CA8: variants seen among roughly 807,000 people sequenced by gnomAD.
CA8 encodes the protein carbonic anhydrase 8 (inactive), also known as carbonic anhydrase-related protein.
Under a neutral mutation model 41.4 loss-of-function variants are expected in CA8, and 22 were observed. The ratio of observed to expected loss-of-function variants is 0.53; its 90% CI spans 0.38 to 0.76. CA8 has a LOEUF of 0.76. Ranked by LOEUF, CA8 falls within the 30% of genes least tolerant of loss-of-function variation. The pLI is 0.00. For synonymous variants in CA8, 121 were observed against 130.6 expected (o/e 0.93, Z 0.50); for missense variants, 270 against 352.8 (o/e 0.77, Z 1.88).
At chr8:60,210,407 GA>G (rs1028950112) in intron 7 of CA8, among the ~76,000 whole-genome samples, 2 of 152,136 alleles carry the variant, frequency 1.3e-5, no homozygotes, top group East Asian at 3.9e-4. Context: ...ACAAAGTCAA[GA>G]GACACCTATA....
At position 60,186,082 on chromosome 8, in the gene CA8, A is replaced by G. The variant is rs1350199519; in HGVS notation, c.*3939T>C. On this transcript the variant is annotated 3_prime_UTR_variant, in exon 9 of 9. Coordinates refer to ENST00000317995, the MANE Select transcript of CA8 (RefSeq NM_004056.6). ...CCAGATGGTGACTCAAATTTACAAGACAAAATGAACATAACCAGAAATGGT... is the reference window on the plus strand; with the variant it reads ...CCAGATGGTGACTCAAATTTACAAGGCAAAATGAACATAACCAGAAATGGT... 6.6e-6 allele frequency among the ~76,000 whole-genome samples: 1 copy of G among 152,114 alleles called. No homozygotes were observed. Among genetic ancestry groups the G allele is most frequent in the Middle Eastern group, 3.2e-3 (1 of 316 alleles).
At chr8:60,199,834 T>C (rs1261779758) in intron 8 of CA8, among the ~76,000 whole-genome samples, 1 of 152,236 alleles carries the variant, frequency 6.6e-6, no homozygotes, top group Admixed American at 6.5e-5. Context: ...GGCCAATCTA[T>C]ATGTACCAAC....
At chr8:60,205,939 T>C (rs2130411931) in intron 8 of CA8, among the ~76,000 whole-genome samples, 1 of 152,356 alleles carries the variant, frequency 6.6e-6, no homozygotes, top group Non-Finnish European at 1.5e-5. Flanking sequence ...AGTCTGACTG[T>C]CAAATCATTT....
chr8:60,222,699 C>G lies in CA8; in HGVS notation c.688G>C (p.Gly230Arg). ...GSLTIPPCSE[G>R]VTWILFRYPL... Reference sequence around the variant, plus strand: ...TATCGGAATAATATCCAGGTGACACCTTCACTGCAAGGTGGGATGGTGAGA... The same window carrying G: ...TATCGGAATAATATCCAGGTGACACGTTCACTGCAAGGTGGGATGGTGAGA... The change falls in exon 7 of 9, where the codon GGT becomes CGT. Residue 230 changes from glycine to arginine, a missense_variant. This residue lies in a region of CA8 where 141 missense variants were observed against 191.6 expected (regional missense o/e 0.74). Transcript: ENST00000317995. 6.2e-7 allele frequency: 1 copy of G among 1,613,954 alleles called. No individual in the cohort carries two copies. The highest frequency in any genetic ancestry group is 2.2e-5 in the East Asian group (1 of 44,872).
chr8:60,221,290 A>T (rs1353316723), intron 7 of CA8, among the ~76,000 whole-genome samples: 1 of 152,122 alleles, frequency 6.6e-6, no homozygotes, highest in Non-Finnish European at 1.5e-5. Flanking sequence ...ACTTATTATC[A>T]TGTTAATTAT....
Position 60,273,040 on chromosome 8 carries a change from C to T in CA8, c.292+6649G>A, listed in dbSNP as rs541987924. The stretch of plus-strand genomic sequence containing the variant: ...CAGAGGATCAGTAGCTATTTACAAT[C>T]TCTTGCTCTCCTGGTTGCTCTCATG... On this transcript the variant is annotated intron_variant, in intron 2 of 8. Transcript: ENST00000317995. Among the ~76,000 whole-genome samples the T allele has an allele frequency of 3.9e-5, 6 of 152,322 alleles. No individual in the cohort carries two copies. In the East Asian group the frequency reaches 1.2e-3, roughly 29 times the overall value.
chr8:60,253,721 T>A (rs911280247), intron 3 of CA8, among the ~76,000 whole-genome samples: 1 of 152,146 alleles, frequency 6.6e-6, no homozygotes, highest in Non-Finnish European at 1.5e-5. Flanking sequence ...GAGACCAGCA[T>A]TTCTGCCCTG....
intron 4 of CA8, among the ~76,000 whole-genome samples, chr8:60,227,344 T>A (rs1409739617): frequency 1.3e-5 from 2 of 152,116 alleles, no homozygotes; most frequent in Non-Finnish European, 2.9e-5. Flanking sequence ...ATGTCCTTTT[T>A]GAGGAATAAT....
At chr8:60,191,737 A>G (rs1221968227) in intron 8 of CA8, among the ~76,000 whole-genome samples, 1 of 152,158 alleles carries the variant, frequency 6.6e-6, no homozygotes, top group Non-Finnish European at 1.5e-5. Context: ...ATTATAAAGA[A>G]TATATCCAGC....
At chr8:60,247,299 T>C (rs1468049227) in intron 3 of CA8, among the ~76,000 whole-genome samples, 2 of 152,192 alleles carry the variant, frequency 1.3e-5, no homozygotes, top group East Asian at 1.9e-4. Context: ...GCCGGATTGT[T>C]ACATAGGTAT....
intron 3 of CA8, among the ~76,000 whole-genome samples, chr8:60,235,098 G>A (rs1303763879): frequency 6.6e-6 from 1 of 152,184 alleles, no homozygotes; most frequent in African/African-American, 2.4e-5. Context: ...CCATCTGTAT[G>A]AGTCTGCTAG....
rs192703473 is a variant in CA8, at chr8:60,246,917, T to C, written c.418-14538A>G. Among the ~76,000 whole-genome samples, 257 of 138,044 alleles carry C rather than the reference T, an allele frequency of 1.9e-3. 1 individual carries two copies. The highest frequency in any genetic ancestry group is 6.7e-3 in the African/African-American group (243 of 36,408). The allele number at this position is 138,044 out of a possible 152,430, so 90.6% of individuals were successfully genotyped here. On this transcript the variant is annotated intron_variant, in intron 3 of 8. Coordinates refer to ENST00000317995, the MANE Select transcript of CA8 (RefSeq NM_004056.6). ...TTTTTTTTTTGAGATGGAGTCTTGC[T>C]CTGTCCCCCAGGCTGGAGTTCAGTG... is the stretch of plus-strand genomic sequence containing the variant.
chr8:60,212,430 T>C (rs1383721678), intron 7 of CA8, among the ~76,000 whole-genome samples: 3 of 152,224 alleles, frequency 2.0e-5, no homozygotes, highest in African/African-American at 4.8e-5. Flanking sequence ...TCTATGGACA[T>C]TTATGTGGTT....
At chr8:60,195,109 T>G (rs73683375) in intron 8 of CA8, among the ~76,000 whole-genome samples, 2,719 of 152,312 alleles carry the variant, frequency 0.018, 75 homozygotes, top group African/African-American at 0.06. Flanking sequence ...TCTCCAAATA[T>G]TCATTTATCT....
rs139156322 is a variant in CA8, at chr8:60,209,338, G to A, written c.739-419C>T. 7.2e-5 allele frequency among the ~76,000 whole-genome samples: 11 copies of A among 152,252 alleles called. No individual in the cohort carries two copies. In the East Asian group the frequency reaches 2.1e-3, roughly 29 times the overall value. ...GTCTCTACTAAAAATACAAAAATCA[G>A]CCAGGCTTGGTGGTGCACACCTGTA... On this transcript the variant is annotated intron_variant, in intron 7 of 8. Transcript: ENST00000317995.
intron 3 of CA8, among the ~76,000 whole-genome samples, chr8:60,244,379 C>T (rs1808147192): frequency 6.6e-6 from 1 of 152,308 alleles, no homozygotes; most frequent in East Asian, 1.9e-4. Flanking sequence ...TATCTGCCCA[C>T]GAGGTACAGT....
At chr8:60,222,916 C>T (rs1372593551) in intron 6 of CA8, among the ~76,000 whole-genome samples, 155 bp from the exon 7 acceptor site, 1 of 152,188 alleles carries the variant, frequency 6.6e-6, no homozygotes, top group African/African-American at 2.4e-5. Context: ...TTACACTACT[C>T]ATTGTGGAGA....
chr8:60,207,793 T>C (rs1039270048), intron 8 of CA8, among the ~76,000 whole-genome samples: 1 of 152,216 alleles, frequency 6.6e-6, no homozygotes, highest in African/African-American at 2.4e-5. Context: ...TCTCAATCTG[T>C]CACCCAGGCT....
chr8:60,246,508 G>A (rs1300507274), intron 3 of CA8, among the ~76,000 whole-genome samples: 2 of 152,026 alleles, frequency 1.3e-5, no homozygotes, highest in Non-Finnish European at 2.9e-5. Context: ...ATGTTGCTCA[G>A]GCTGGTCTCG....
Sources: allele counts gnomAD v4.1 joint callset (sites outside exome capture counted in the v4.1 genomes callset), GRCh38; gene constraint gnomAD v4.1.1; regional missense constraint gnomAD v4.1.1; transcripts MANE v1.5; gene names NCBI Gene and HGNC (gene_info 2026-07-23, HGNC 2026-07-21).